The following METTL23 variants were observed in gnomAD, a reference collection of about 807,000 sequenced individuals.
METTL23 encodes methyltransferase 23, arginine.
A neutral mutation model predicts 21.2 loss-of-function variants in METTL23; 24 were observed. That is an observed-to-expected ratio of 1.13 (90% CI 0.82 to 1.59). The LOEUF is 1.59. Ranked by LOEUF, METTL23 falls within the 40% of genes most tolerant of loss-of-function variation. The pLI is 0.00. For missense variants in METTL23, 276 were observed against 221.4 expected (o/e 1.25, Z -1.57); for synonymous variants, 97 against 75.2 (o/e 1.29, Z -1.50).
At chr17:76,729,655 A>T (rs1366167007) in intron 1 of METTL23, 35 bp from the exon 2 acceptor site, 1 of 1,404,914 alleles carries the variant, frequency 7.1e-7, no homozygotes, top group African/African-American at 1.4e-5. Context: ...TCCAGCAGCT[A>T]AATTATTTAT....
chr17:76,733,603 A>G lies in METTL23; in HGVS notation c.490A>G (p.Lys164Glu), dbSNP rs1568016972. 9 of 1,613,806 alleles carry G rather than the reference A, an allele frequency of 5.6e-6. No individual in the cohort carries two copies. In the Admixed American group the frequency reaches 6.7e-5, roughly 12 times the overall value. The change falls in exon 5 of 5, where the codon AAA becomes GAA. Residue 164 changes from lysine to glutamate, a missense_variant. Transcript: ENST00000341249. ...HIPLESFDADKEDIAESTLPG... is the reference protein window; with the variant it reads ...HIPLESFDADEEDIAESTLPG... ...TCCTCTTGAGTCTTTTGATGCAGAC[A>G]AAGAAGATATAGCAGAATCTACCCT...
At chr17:76,727,546 G>C (rs950389403) in intron 1 of METTL23, among the ~76,000 whole-genome samples, 5 of 152,190 alleles carry the variant, frequency 3.3e-5, no homozygotes, top group African/African-American at 9.7e-5. Flanking sequence ...TGACATTCTT[G>C]ACTGACCTCT....
At chr17:76,730,052 G>T (rs1409559738) in intron 2 of METTL23, among the ~76,000 whole-genome samples, 3 of 152,030 alleles carry the variant, frequency 2.0e-5, no homozygotes, top group African/African-American at 7.2e-5. Flanking sequence ...AGCATTTTGG[G>T]AGGCTGAGGC....
chr17:76,733,241 A>T (rs997006889), intron 3 of METTL23, 26 bp downstream of exon 3: 1 of 1,613,018 alleles, frequency 6.2e-7, no homozygotes, highest in Admixed American at 1.7e-5. Context: ...TCAATAGTAC[A>T]TTTGGCCAGT....
upstream of METTL23, chr17:76,726,432 C>G (rs201990497): frequency 4.2e-5 from 67 of 1,604,014 alleles, no homozygotes; most frequent in Non-Finnish European, 5.5e-5. Flanking sequence ...CGGCCGCGCA[C>G]TCCGCTTGGC....
intron 1 of METTL23, among the ~76,000 whole-genome samples, chr17:76,728,198 T>C (rs2077034908): frequency 6.8e-6 from 1 of 146,800 alleles, no homozygotes; most frequent in Non-Finnish European, 1.5e-5. Flanking sequence ...ATCAGGCCAC[T>C]GCACTCAGGC....
At position 76,733,378 on chromosome 17, in the gene METTL23, G is replaced by C. The variant is rs1057521913; in HGVS notation, c.407+1G>C. Reference sequence around the variant, plus strand: ...TGTGGTCTACTTATCAAGTTAGGAGGCAAGTATGGATGACCCTTACTTTTT... The same window carrying C: ...TGTGGTCTACTTATCAAGTTAGGAGCCAAGTATGGATGACCCTTACTTTTT... On this transcript the variant is annotated splice_donor_variant, in intron 4 of 4. Coordinates refer to ENST00000341249, the MANE Select transcript of METTL23 (RefSeq NM_001080510.5). LOFTEE classifies it high-confidence loss of function. 15 of 1,613,326 alleles carry C rather than the reference G, an allele frequency of 9.3e-6. No homozygotes were observed. The highest frequency in any genetic ancestry group is 1.1e-5 in the Non-Finnish European group (13 of 1,179,450).
chr17:76,732,839 G>A (rs1011532139), intron 2 of METTL23, 139 bp from the exon 3 acceptor site: 17 of 687,322 alleles, frequency 2.5e-5, no homozygotes, highest in Middle Eastern at 4.0e-4. Flanking sequence ...GTTCAGTTAC[G>A]GTACATTTTA....
chr17:76,733,744 A>C lies in METTL23; in HGVS notation c.*58A>C. The C allele has an allele frequency of 2.0e-6, 3 of 1,496,154 alleles. No individual in the cohort carries two copies. Among genetic ancestry groups the C allele is most frequent in the South Asian group, 1.3e-5 (1 of 78,674 alleles). The allele number at this position is 1,496,154 out of a possible 1,614,324, so 92.7% of individuals were successfully genotyped here. On this transcript the variant is annotated 3_prime_UTR_variant, in exon 5 of 5. Transcript: ENST00000341249. ...AATACTGATGAGCAACCTGGCACACAAACTATGAGCAGACCACTTCAGCTT... is the reference window on the plus strand; with the variant it reads ...AATACTGATGAGCAACCTGGCACACCAACTATGAGCAGACCACTTCAGCTT...
In METTL23 at chr17:76,733,522, G is replaced by A; in HGVS notation, c.409G>A (p.Ala137Thr). Residue 137 changes from alanine to threonine, a missense_variant and splice_region_variant, in exon 5 of 5, where the codon GCT (alanine) becomes ACT (threonine). Physicochemically the swap from Ala to Thr is moderately conservative, Grantham distance 58. Coordinates refer to ENST00000341249, the MANE Select transcript of METTL23 (RefSeq NM_001080510.5). ...QLWSTYQVRS[A>T]DWSLEALLYK... ...AAAGAACAACTTTTTTTTTTTAAGT[G>A]CTGACTGGTCACTTGAAGCTTTACT... 6.2e-7 allele frequency: 1 copy of A among 1,601,390 alleles called. No homozygotes were observed. Among genetic ancestry groups the A allele is most frequent in the Non-Finnish European group, 8.5e-7 (1 of 1,176,132 alleles).
At chr17:76,732,700 TTC>T (rs2077268778) in intron 2 of METTL23, 2 of 462,758 alleles carry the variant, frequency 4.3e-6, no homozygotes, top group South Asian at 5.0e-5. Context: ...CCAAAACTAC[TTC>T]TGTGTGCATA....
chr17:76,732,674 A>T, intron 2 of METTL23: 1 of 397,234 alleles, frequency 2.5e-6, no homozygotes, highest in South Asian at 2.8e-5. Context: ...AAATCATGGC[A>T]GAGGAATCAA....
intron 1 of METTL23, among the ~76,000 whole-genome samples, chr17:76,729,351 G>A (rs1017824012): frequency 6.6e-6 from 1 of 152,188 alleles, no homozygotes; most frequent in Non-Finnish European, 1.5e-5. Context: ...AAAGTGCTGG[G>A]ATGACAGGCC....
chr17:76,733,406 A>G, intron 4 of METTL23, 29 bp downstream of exon 4: 5 of 1,609,276 alleles, frequency 3.1e-6, no homozygotes, highest in East Asian at 4.5e-5. Context: ...TACTTTTTAT[A>G]TGTAACTTAA....
intron 1 of METTL23, among the ~76,000 whole-genome samples, chr17:76,728,163 G>T (rs1284134160): frequency 6.6e-6 from 1 of 151,446 alleles, no homozygotes; most frequent in African/African-American, 2.4e-5. Context: ...TTGAGCCCGA[G>T]AGGTCGAGGC....
chr17:76,726,524 T>C (rs775143530), upstream of METTL23: 2 of 1,556,390 alleles, frequency 1.3e-6, no homozygotes, highest in Non-Finnish European at 1.7e-6. Context: ...GCAGCCCGCT[T>C]CCTGACACTA....
chr17:76,729,113 C>T (rs1461296332), intron 1 of METTL23, among the ~76,000 whole-genome samples: 1 of 138,906 alleles, frequency 7.2e-6, no homozygotes, highest in Non-Finnish European at 1.5e-5. Context: ...TTTTTTGAAA[C>T]GTAGTCTCAC....
At chr17:76,726,760 T>C (rs2076950499), upstream of METTL23, 1 of 448,014 alleles carries the variant, frequency 2.2e-6, no homozygotes, top group Non-Finnish European at 4.2e-6. Context: ...GCCTCCGCCA[T>C]GTTGGGAAGG....
chr17:76,727,553 C>T (rs1224251207), intron 1 of METTL23, among the ~76,000 whole-genome samples: 1 of 152,316 alleles, frequency 6.6e-6, no homozygotes, highest in Admixed American at 6.5e-5. Context: ...CTTGACTGAC[C>T]TCTAATGCTT....
Sources: allele counts gnomAD v4.1 joint callset (sites outside exome capture counted in the v4.1 genomes callset), GRCh38; gene constraint gnomAD v4.1.1; transcripts MANE v1.5; gene names NCBI Gene and HGNC (gene_info 2026-07-23, HGNC 2026-07-21).